GLP1R: variants seen among roughly 807,000 people sequenced by gnomAD.
The protein encoded by GLP1R is glucagon like peptide 1 receptor.
A neutral mutation model predicts 68.4 loss-of-function variants in GLP1R; 32 were observed. The observed-to-expected ratio is 0.47, with a 90% confidence interval of 0.35 to 0.63. GLP1R has a LOEUF of 0.63. Among genes scored for constraint, GLP1R ranks in the 20% least tolerant of loss-of-function variants. GLP1R has a pLI of 0.00. For missense variants in GLP1R, 502 were observed against 594.9 expected (o/e 0.84, Z 1.62); for synonymous variants, 263 against 244.4 (o/e 1.08, Z -0.71).
chr6:39,062,039 C>T (rs532548146), intron 3 of GLP1R, among the ~76,000 whole-genome samples: 7 of 152,298 alleles, frequency 4.6e-5, no homozygotes, highest in African/African-American at 1.7e-4. Flanking sequence ...CTGGCCACCT[C>T]GTTGCCAGGG....
rs1768216877 is a variant in GLP1R, at chr6:39,056,463, T to C, written c.145T>C (p.Ser49Pro). The C allele has an allele frequency of 6.2e-7, 1 of 1,607,414 alleles. No individual in the cohort carries two copies. The highest frequency in any genetic ancestry group is 8.5e-7 in the Non-Finnish European group (1 of 1,174,066). Residue 49 changes from serine to proline, a missense_variant, in exon 2 of 13, where the codon TCC becomes CCC. Transcript: ENST00000373256. ...AGAATACCGACGCCAGTGCCAGCGC[T>C]CCCTGACTGAGGATCCACCTCCTGC... ...WREYRRQCQR[S>P]LTEDPPPATD...
Position 39,051,126 on chromosome 6 carries a change from CAAG to C in GLP1R, c.78+2209_78+2211del, listed in dbSNP as rs567011325. On this transcript the variant is annotated intron_variant, in intron 1 of 12. Coordinates refer to ENST00000373256, the MANE Select transcript of GLP1R (RefSeq NM_002062.5). ...GGAGCGGGCCTACTGAGGAGACAGG[CAAG>C]CCTTTGACACTCAAAGTTAAAATCA... is the stretch of plus-strand genomic sequence containing the variant. 2.4e-4 allele frequency among the ~76,000 whole-genome samples: 36 copies of C among 152,314 alleles called. 1 individual carries two copies. Among genetic ancestry groups the C allele is most frequent in the Non-Finnish European group, 4.7e-4 (32 of 68,034 alleles).
In GLP1R at chr6:39,079,139, A is replaced by T; in HGVS notation, c.982A>T (p.Ile328Phe). 1 of 1,614,108 alleles carries T rather than the reference A, an allele frequency of 6.2e-7. No homozygotes were observed. Among genetic ancestry groups the T allele is most frequent in the Non-Finnish European group, 8.5e-7 (1 of 1,179,988 alleles). Residue 328 changes from isoleucine to phenylalanine, a missense_variant, in exon 10 of 13, where the codon ATC becomes TTC. Coordinates refer to ENST00000373256, the MANE Select transcript of GLP1R (RefSeq NM_002062.5). This position sits in a 1 kb window ranked among gnomAD's most constrained non-coding sequence, Gnocchi z 4.5. ...GVNFLIFVRV[I>F]CIVVSKLKAN... ...GAACTTCCTCATCTTTGTTCGGGTC[A>T]TCTGCATCGTGGTATCCAAACTGAA...
chr6:39,073,950 C>T (rs886483166), intron 7 of GLP1R, among the ~76,000 whole-genome samples, 181 bp downstream of exon 7: 5 of 152,180 alleles, frequency 3.3e-5, no homozygotes, highest in African/African-American at 1.2e-4. Flanking sequence ...GGGTTATGGT[C>T]CTCCCCTCCT....
intron 7 of GLP1R, among the ~76,000 whole-genome samples, chr6:39,075,476 G>A (rs1768792956): frequency 6.6e-6 from 1 of 152,150 alleles, no homozygotes; most frequent in Admixed American, 6.5e-5. Context: ...AGTTTGGTGG[G>A]GACACACTGC....
At chr6:39,056,017 C>T (rs529491373) in intron 1 of GLP1R, among the ~76,000 whole-genome samples, 5 of 152,286 alleles carry the variant, frequency 3.3e-5, no homozygotes, top group African/African-American at 1.2e-4. Context: ...GCTGACTAGG[C>T]GCCAGAAGGA....
intron 5 of GLP1R, among the ~76,000 whole-genome samples, chr6:39,068,680 G>A (rs893153298): frequency 2.0e-5 from 3 of 152,158 alleles, no homozygotes; most frequent in Non-Finnish European, 2.9e-5. Flanking sequence ...GTTATACCTG[G>A]GCCCACTTGA....
At chr6:39,072,540 C>T (rs1583636579) in intron 5 of GLP1R, among the ~76,000 whole-genome samples, 1 of 152,322 alleles carries the variant, frequency 6.6e-6, no homozygotes, top group Non-Finnish European at 1.5e-5. Flanking sequence ...AGTGTTCCCA[C>T]TGGGGAAACT....
At chr6:39,064,043 C>A (rs141185191) in intron 3 of GLP1R, among the ~76,000 whole-genome samples, 1 of 145,864 alleles carries the variant, frequency 6.9e-6, no homozygotes, top group African/African-American at 2.6e-5. Flanking sequence ...ACTCTGTCGC[C>A]TAGGCTGGAG....
intron 5 of GLP1R, among the ~76,000 whole-genome samples, chr6:39,067,349 T>C (rs764761490): frequency 9.2e-5 from 14 of 152,194 alleles, no homozygotes; most frequent in Non-Finnish European, 1.6e-4. Flanking sequence ...ATAACAGAAA[T>C]ATATTCCTCA....
chr6:39,058,097 G>A (rs1768262176), intron 3 of GLP1R, among the ~76,000 whole-genome samples: 1 of 152,204 alleles, frequency 6.6e-6, no homozygotes, highest in Non-Finnish European at 1.5e-5. Flanking sequence ...CGTGAGGCCA[G>A]TGCTGGCCAG....
At chr6:39,078,081 A>T (rs1768879522) in intron 7 of GLP1R, among the ~76,000 whole-genome samples, 1 of 152,108 alleles carries the variant, frequency 6.6e-6, no homozygotes, top group Non-Finnish European at 1.5e-5. Context: ...GGCACACAGG[A>T]GGTGGGGGAC....
In GLP1R at chr6:39,054,397, T is replaced by C. The variant is rs1768162817; in HGVS notation, c.79-2000T>C. Reference sequence around the variant, plus strand: ...GGTATTTAGAAGCCCTGATCTGGTGTAGGGAGGGGACAAGATACTCTTACT... The same window carrying C: ...GGTATTTAGAAGCCCTGATCTGGTGCAGGGAGGGGACAAGATACTCTTACT... On this transcript the variant is annotated intron_variant, in intron 1 of 12. Transcript: ENST00000373256. Among the ~76,000 whole-genome samples the C allele has an allele frequency of 2.6e-5, 4 of 151,166 alleles. No homozygotes were observed. In the South Asian group the frequency reaches 6.2e-4, roughly 24 times the overall value.
chr6:39,052,173 A>T (rs1250650144), intron 1 of GLP1R, among the ~76,000 whole-genome samples: 2 of 152,052 alleles, frequency 1.3e-5, no homozygotes. Flanking sequence ...GACTGTAAGA[A>T]CATGTGTGTA....
chr6:39,078,920 C>T (rs764665274), intron 8 of GLP1R, 37 bp from the exon 9 acceptor site: 4 of 1,572,728 alleles, frequency 2.5e-6, no homozygotes, highest in East Asian at 2.2e-5. Context: ...CCTGTGAGTC[C>T]TGCTGGATGC....
At chr6:39,058,655 A>ATCATCG (rs1168789410) in intron 3 of GLP1R, among the ~76,000 whole-genome samples, 2 of 148,618 alleles carry the variant, frequency 1.3e-5, no homozygotes, top group Non-Finnish European at 2.9e-5. Flanking sequence ...CATCATCATC[A>ATCATCG]TCATCATCAT....
rs1250532391 is a variant in GLP1R at position 39,089,376 on chromosome 6, C to G, written c.*3303C>G. Among the ~76,000 whole-genome samples the G allele has an allele frequency of 6.6e-6, 1 of 152,122 alleles. No homozygotes were observed. Among genetic ancestry groups the G allele is most frequent in the Non-Finnish European group, 1.5e-5 (1 of 68,036 alleles). On this transcript the variant is annotated 3_prime_UTR_variant, in exon 13 of 13. Transcript: ENST00000373256. This position sits in a 1 kb window ranked among gnomAD's most constrained non-coding sequence, Gnocchi z 4.1. Reference sequence around the variant, plus strand: ...ATAACCTAAAAGGTCTTGAACCTCCCCTTTACCTCTTTAGAACCTCTGAAT... The same window carrying G: ...ATAACCTAAAAGGTCTTGAACCTCCGCTTTACCTCTTTAGAACCTCTGAAT...
chr6:39,056,297 A>G (rs1184089045), intron 1 of GLP1R, 100 bp from the exon 2 acceptor site: 10 of 628,914 alleles, frequency 1.6e-5, no homozygotes, highest in Non-Finnish European at 2.9e-6. Context: ...TGGGGCTTTG[A>G]GGTTTCATGG....
At chr6:39,058,748 G>A (rs1254421181) in intron 3 of GLP1R, among the ~76,000 whole-genome samples, 3 of 152,054 alleles carry the variant, frequency 2.0e-5, no homozygotes, top group African/African-American at 7.2e-5. Context: ...CTAAAAGCAG[G>A]GCTTTATAAC....
Sources: allele counts gnomAD v4.1 joint callset (sites outside exome capture counted in the v4.1 genomes callset), GRCh38; gene constraint gnomAD v4.1.1; non-coding constraint Gnocchi (gnomAD v3.1); transcripts MANE v1.5; gene names NCBI Gene and HGNC (gene_info 2026-07-23, HGNC 2026-07-21).